Variants in RGS12 observed in about 807,000 individuals in gnomAD.
The protein encoded by RGS12 is regulator of G-protein signaling 12.
Under a neutral mutation model 120.1 loss-of-function variants are expected in RGS12, and 66 were observed. The observed-to-expected ratio is 0.55, with a 90% confidence interval of 0.45 to 0.67. The LOEUF is 0.67. RGS12 is among the 30% of genes least tolerant of loss of function. The pLI is 0.00. For synonymous variants in RGS12, 827 were observed against 804.7 expected, an observed-to-expected ratio of 1.03 and a Z score of -0.47; for missense variants, 1,859 against 1,957.7, an observed-to-expected ratio of 0.95 and a Z score of 0.95.
At chr4:3,380,438 A>G (rs1718139672) in intron 3 of RGS12, among the ~76,000 whole-genome samples, 1 of 152,230 alleles carries the variant, frequency 6.6e-6, no homozygotes, top group Admixed American at 6.5e-5. Context: ...TCCACTAGGC[A>G]GTGTCCCAGT....
chr4:3,370,830 G>A (rs531934518), intron 3 of RGS12, among the ~76,000 whole-genome samples: 1 of 152,298 alleles, frequency 6.6e-6, no homozygotes, highest in East Asian at 1.9e-4. Flanking sequence ...AGCTTATGAA[G>A]TTGAAGTTAC....
chr4:3,301,956 A>G (rs1036867042), intron 1 of RGS12, among the ~76,000 whole-genome samples: 4 of 151,360 alleles, frequency 2.6e-5, no homozygotes, highest in African/African-American at 9.7e-5. Flanking sequence ...GGAAGTTGTC[A>G]TGTATCTGAG....
chr4:3,305,390 C>T (rs751222320), intron 1 of RGS12, among the ~76,000 whole-genome samples: 2 of 152,168 alleles, frequency 1.3e-5, no homozygotes, highest in Non-Finnish European at 2.9e-5. Context: ...TCATGTCCCT[C>T]CCATGTACAA....
chr4:3,407,814 C>G (rs369958681), intron 4 of RGS12, among the ~76,000 whole-genome samples: 1 of 152,220 alleles, frequency 6.6e-6, no homozygotes, highest in African/African-American at 2.4e-5. Context: ...ACAGAACTAA[C>G]TGCAAACTTT....
Position 3,430,881 on chromosome 4 carries a change from ACAT to A in RGS12, c.4043_4045del (p.Ile1348del), listed in dbSNP as rs1724218495. ...GAGCTGACCCTGATGGGGGAGGGGG[ACAT>A]CAGCAGCCCCAACAGCACCTTGCTG... is the stretch of plus-strand genomic sequence containing the variant. On this transcript the variant is annotated inframe_deletion, in exon 17 of 18. Coordinates refer to ENST00000336727, the MANE Select transcript of RGS12 (RefSeq NM_001394154.1). 6.2e-6 allele frequency: 10 copies of A among 1,612,218 alleles called. No homozygotes were observed. The highest frequency in any genetic ancestry group is 1.1e-5 in the South Asian group (1 of 90,962).
intron 2 of RGS12, among the ~76,000 whole-genome samples, chr4:3,321,643 G>A (rs902045325): frequency 1.3e-5 from 2 of 152,216 alleles, no homozygotes; most frequent in Non-Finnish European, 2.9e-5. Context: ...GCCTTGGCTT[G>A]CCTGCACCCC....
chr4:3,342,110 G>A (rs990140159), intron 2 of RGS12, among the ~76,000 whole-genome samples: 10 of 151,928 alleles, frequency 6.6e-5, no homozygotes, highest in African/African-American at 2.4e-4. Flanking sequence ...ATTGTGGCAA[G>A]GTTTTCTACA....
At chr4:3,388,307 TG>T (rs1317368484) in intron 4 of RGS12, among the ~76,000 whole-genome samples, 1 of 152,222 alleles carries the variant, frequency 6.6e-6, no homozygotes, top group African/African-American at 2.4e-5. Flanking sequence ...GGAACCGCAG[TG>T]GGCGGGCTGG....
chr4:3,383,912 C>T (rs1718538495), intron 3 of RGS12, among the ~76,000 whole-genome samples: 1 of 152,346 alleles, frequency 6.6e-6, no homozygotes, highest in Non-Finnish European at 1.5e-5. Context: ...TCTCAAGTTT[C>T]AGCTAATTTG....
chr4:3,422,668 C>A (rs557273820), intron 11 of RGS12, 98 bp downstream of exon 11: 1 of 1,334,746 alleles, frequency 7.5e-7, no homozygotes, highest in Non-Finnish European at 1.0e-6. Flanking sequence ...CCCCCTCCTG[C>A]GCTCCTCATT....
rs1385220526 is a variant in RGS12, at chr4:3,433,920, G to T, written c.4114+2965G>T. Among the ~76,000 whole-genome samples, 1 of 152,176 alleles carries T rather than the reference G, an allele frequency of 6.6e-6. No homozygotes were observed. Among genetic ancestry groups the T allele is most frequent in the South Asian group, 2.1e-4 (1 of 4,828 alleles). On this transcript the variant is annotated intron_variant, in intron 17 of 17. Coordinates refer to ENST00000336727, the MANE Select transcript of RGS12 (RefSeq NM_001394154.1). This position sits in a 1 kb window ranked among gnomAD's most constrained non-coding sequence, Gnocchi z 4.4. ...TGCTGCCAGGCCACCCAGTCTAATG[G>T]CCCTGAGCCTTAGCTGTCTGACACA...
At chr4:3,400,846 T>A (rs1475753392) in intron 4 of RGS12, among the ~76,000 whole-genome samples, 1 of 149,836 alleles carries the variant, frequency 6.7e-6, no homozygotes, top group East Asian at 1.9e-4. Context: ...TAATAATAAT[T>A]ATACTATTAG....
chr4:3,363,146 T>C (rs976046643), intron 3 of RGS12, among the ~76,000 whole-genome samples: 19 of 151,242 alleles, frequency 1.3e-4, no homozygotes, highest in African/African-American at 3.4e-4. Flanking sequence ...GGGGTGTGTG[T>C]GCGCGAGGGC....
chr4:3,367,686 A>G (rs1427751082), intron 3 of RGS12, among the ~76,000 whole-genome samples: 3 of 152,288 alleles, frequency 2.0e-5, no homozygotes, highest in East Asian at 3.9e-4. Flanking sequence ...GAGTTCTCCC[A>G]GGCGTGTTCT....
At chr4:3,423,446 T>C in intron 12 of RGS12, 69 bp from the exon 13 acceptor site, 1 of 1,594,932 alleles carries the variant, frequency 6.3e-7, no homozygotes, top group Non-Finnish European at 8.6e-7. Flanking sequence ...GCTGTAGTTC[T>C]GCTCGTGAGA....
At chr4:3,298,354 CA>C (rs1012014443) in intron 1 of RGS12, among the ~76,000 whole-genome samples, 3 of 151,510 alleles carry the variant, frequency 2.0e-5, no homozygotes, top group African/African-American at 7.3e-5. Flanking sequence ...GATGTTTGTT[CA>C]ATTTTTTTTT....
At chr4:3,431,012 T>G (rs761963202) in intron 17 of RGS12, 57 bp downstream of exon 17, 2 of 1,583,038 alleles carry the variant, frequency 1.3e-6, no homozygotes, top group African/African-American at 2.7e-5. Flanking sequence ...CTGCTCAGCT[T>G]CCAGTCAGAA....
chr4:3,380,120 A>G (rs1718107940), intron 3 of RGS12, among the ~76,000 whole-genome samples: 1 of 152,222 alleles, frequency 6.6e-6, no homozygotes, highest in African/African-American at 2.4e-5. Context: ...CCCATTCCAA[A>G]TGGGAGAAAT....
At chr4:3,305,911 C>G (rs3135146) in intron 1 of RGS12, among the ~76,000 whole-genome samples, 105,965 of 152,212 alleles carry the variant, frequency 0.7, 38,673 homozygotes, top group African/African-American at 0.92. Context: ...ATAGGATTTC[C>G]GGGTCCAGCA....
Sources: gnomAD v4.1 joint callset for allele counts (sites outside exome capture counted in the v4.1 genomes callset) on GRCh38, gnomAD v4.1.1 for gene constraint, Gnocchi (gnomAD v3.1) non-coding constraint, MANE v1.5 for transcripts, NCBI Gene and HGNC (gene_info 2026-07-23, HGNC 2026-07-21) for gene names.